ETV6: variants seen among roughly 807,000 people sequenced by gnomAD.
The protein encoded by ETV6 is transcription factor ETV6.
Under a neutral mutation model 51.1 loss-of-function variants are expected in ETV6, and 16 were observed. The observed-to-expected ratio is 0.31, with a 90% confidence interval of 0.21 to 0.48. The LOEUF (loss-of-function observed/expected upper bound fraction) is 0.48, where lower values mean the gene tolerates loss of function less well. Ranked by LOEUF, ETV6 falls within the 20% of genes least tolerant of loss-of-function variation. The probability of loss-of-function intolerance (pLI) is 0.99; values close to 1 mark genes in which losing one functional copy is unlikely to be tolerated. For synonymous variants in ETV6, 240 were observed against 224.1 expected, an observed-to-expected ratio of 1.07 and a Z score of -0.64; for missense variants, 458 against 594.8, an observed-to-expected ratio of 0.77 and a Z score of 2.39.
At chr12:11,815,291 G>A (rs1055772995) in intron 2 of ETV6, among the ~76,000 whole-genome samples, 2 of 152,226 alleles carry the variant, frequency 1.3e-5, no homozygotes, top group Non-Finnish European at 2.9e-5. Context: ...AAGCAAGGCA[G>A]GGGGCAAAGC....
intron 2 of ETV6, among the ~76,000 whole-genome samples, chr12:11,827,076 A>ACT (rs1171220923): frequency 5.3e-5 from 6 of 113,380 alleles, no homozygotes; most frequent in African/African-American, 2.5e-4. Context: ...TGTCTCACAC[A>ACT]CACACACACA....
chr12:11,835,102 T>C (rs1030134724), intron 2 of ETV6, among the ~76,000 whole-genome samples: 1 of 152,206 alleles, frequency 6.6e-6, no homozygotes, highest in Middle Eastern at 3.2e-3. Flanking sequence ...GAAGTAAGTT[T>C]AAGGGCCTGG....
At chr12:11,699,377 C>T (rs1864936449) in intron 1 of ETV6, among the ~76,000 whole-genome samples, 1 of 152,048 alleles carries the variant, frequency 6.6e-6, no homozygotes, top group Non-Finnish European at 1.5e-5. Context: ...TAAGCATTAC[C>T]CATTTTATTA....
chr12:11,656,406 C>T (rs17210050), intron 1 of ETV6, among the ~76,000 whole-genome samples: 23,844 of 152,074 alleles, frequency 0.16, 2,485 homozygotes, highest in African/African-American at 0.29. Flanking sequence ...TTACATAAGC[C>T]GAGATGAGAG....
At chr12:11,743,842 A>G (rs962379215) in intron 1 of ETV6, among the ~76,000 whole-genome samples, 4 of 152,204 alleles carry the variant, frequency 2.6e-5, no homozygotes, top group Non-Finnish European at 5.9e-5. Context: ...GCCGTTAAAG[A>G]AGGACACAAA....
chr12:11,655,472 A>AT (rs767762430), intron 1 of ETV6, among the ~76,000 whole-genome samples: 3 of 152,222 alleles, frequency 2.0e-5, no homozygotes, highest in Admixed American at 6.5e-5. Context: ...AAAAGTTAGA[A>AT]TTATAGCCTA....
chr12:11,866,170 C>A (rs1036924321), intron 4 of ETV6, among the ~76,000 whole-genome samples: 5 of 151,956 alleles, frequency 3.3e-5, no homozygotes, highest in African/African-American at 1.2e-4. Context: ...AGATATTATA[C>A]TTTTCAGTTA....
chr12:11,882,973 T>C (rs947437788), intron 5 of ETV6, among the ~76,000 whole-genome samples: 4 of 152,246 alleles, frequency 2.6e-5, no homozygotes, highest in Admixed American at 6.5e-5. Flanking sequence ...TCAACCTCTC[T>C]GAGGATCAGA....
At chr12:11,749,849 A>G (rs1252832084) in intron 1 of ETV6, among the ~76,000 whole-genome samples, 1 of 152,186 alleles carries the variant, frequency 6.6e-6, no homozygotes, top group Non-Finnish European at 1.5e-5. Flanking sequence ...CTACTAGAAG[A>G]GTGCTCGGGG....
intron 1 of ETV6, among the ~76,000 whole-genome samples, chr12:11,690,606 G>A (rs1256382955): frequency 6.6e-6 from 1 of 151,964 alleles, no homozygotes; most frequent in Non-Finnish European, 1.5e-5. Flanking sequence ...AAGATAGAAT[G>A]GGCTGGGCAC....
chr12:11,833,230 C>T (rs1946268825), intron 2 of ETV6, among the ~76,000 whole-genome samples: 1 of 152,136 alleles, frequency 6.6e-6, no homozygotes, highest in Non-Finnish European at 1.5e-5. Flanking sequence ...CTGTGTGTTT[C>T]ATATCATCAT....
At chr12:11,653,089 G>A (rs552858728) in intron 1 of ETV6, among the ~76,000 whole-genome samples, 3 of 151,974 alleles carry the variant, frequency 2.0e-5, no homozygotes, top group Non-Finnish European at 4.4e-5. Context: ...TGGCACTGTT[G>A]TCATGGAAGT....
chr12:11,669,884 C>A (rs766498925), intron 1 of ETV6, among the ~76,000 whole-genome samples: 7 of 152,162 alleles, frequency 4.6e-5, no homozygotes, highest in Admixed American at 2.0e-4. Context: ...GAAATGAGAT[C>A]TTCACAAGCA....
At chr12:11,765,004 T>C (rs576868541) in intron 2 of ETV6, among the ~76,000 whole-genome samples, 1 of 152,300 alleles carries the variant, frequency 6.6e-6, no homozygotes, top group East Asian at 1.9e-4. Flanking sequence ...CAAAGCCCTA[T>C]TGCCTAATCT....
intron 2 of ETV6, among the ~76,000 whole-genome samples, chr12:11,755,157 G>C (rs1944988967): frequency 6.6e-6 from 1 of 152,210 alleles, no homozygotes; most frequent in Non-Finnish European, 1.5e-5. Flanking sequence ...CGTAGCATTG[G>C]TTTATGGCTG....
chr12:11,880,565 A>G (rs964907971), intron 5 of ETV6, among the ~76,000 whole-genome samples: 3 of 152,346 alleles, frequency 2.0e-5, no homozygotes, highest in African/African-American at 7.2e-5. Flanking sequence ...ATGTACCATT[A>G]CAGTAAAAGA....
At chr12:11,877,016 T>TGG (rs970384832) in intron 5 of ETV6, among the ~76,000 whole-genome samples, 1 of 152,262 alleles carries the variant, frequency 6.6e-6, no homozygotes, top group Non-Finnish European at 1.5e-5. Context: ...CAGCGAGACA[T>TGG]CAAGTCTCTT....
intron 2 of ETV6, among the ~76,000 whole-genome samples, chr12:11,783,663 G>T (rs1480096610): frequency 6.6e-6 from 1 of 152,098 alleles, no homozygotes; most frequent in Non-Finnish European, 1.5e-5. Context: ...GTAGAAGTGA[G>T]AAAAAATAAG....
rs2120728268 is a variant in ETV6 at position 11,677,501 on chromosome 12, G to A, written c.33+27341G>A. 2.0e-5 allele frequency among the ~76,000 whole-genome samples: 3 copies of A among 152,278 alleles called. No individual in the cohort carries two copies. In the South Asian group the frequency reaches 6.2e-4, roughly 32 times the overall value. On this transcript the variant is annotated intron_variant, in intron 1 of 7. Coordinates refer to ENST00000396373, the MANE Select transcript of ETV6 (RefSeq NM_001987.5). ...TGTTTGTTTCTTAAGCAGATGGATG[G>A]CTAGATTTTTCTTTATATGAATCTT...
Sources: allele counts gnomAD v4.1 joint callset (sites outside exome capture counted in the v4.1 genomes callset), GRCh38; gene constraint gnomAD v4.1.1; transcripts MANE v1.5; gene names NCBI Gene and HGNC (gene_info 2026-07-23, HGNC 2026-07-21).